The following TMIGD3 variants were observed in gnomAD, a reference collection of about 807,000 sequenced individuals.
TMIGD3 encodes the protein transmembrane and immunoglobulin domain containing 3.
A neutral mutation model predicts 28.1 loss-of-function variants in TMIGD3; 21 were observed. The observed-to-expected ratio is 0.75, with a 90% CI of 0.53 to 1.08. The LOEUF is 1.08. TMIGD3 is among the 50% of genes least tolerant of loss of function. The pLI is 0.00. For missense variants in TMIGD3, 416 were observed against 435.6 expected (o/e 0.96, Z 0.40); for synonymous variants, 151 against 162.1 (o/e 0.93, Z 0.52).
intron 1 of TMIGD3, among the ~76,000 whole-genome samples, chr1:111,531,240 T>C (rs1656447882): frequency 6.6e-6 from 1 of 151,540 alleles, no homozygotes; most frequent in African/African-American, 2.4e-5. Flanking sequence ...GTCATGCCAC[T>C]GAATTCCAGC....
In TMIGD3 at chr1:111,518,571, G is replaced by C. The variant is rs11102297; in HGVS notation, c.108-27809C>G. Among the ~76,000 whole-genome samples the C allele has an allele frequency of 7.0e-3, 1,066 of 152,306 alleles. 10 individuals are homozygous for C. Among genetic ancestry groups the C allele is most frequent in the African/African-American group, 0.024 (1,000 of 41,566 alleles). On this transcript the variant is annotated intron_variant, in intron 1 of 5. Transcript: ENST00000369717. ...CCAGTTGAGAAACAGTGATCTAAAC[G>C]AGAAGCCTAAAGTTCAGAGAGGCTA... is the stretch of plus-strand genomic sequence containing the variant.
chr1:111,561,916 G>T (rs903737806), intron 1 of TMIGD3, among the ~76,000 whole-genome samples: 1 of 151,380 alleles, frequency 6.6e-6, no homozygotes, highest in Admixed American at 6.6e-5. Flanking sequence ...TCTCCTCCTT[G>T]CCCCTGGCCT....
At chr1:111,506,128 C>T (rs1284986016), upstream of TMIGD3, among the ~76,000 whole-genome samples, 2 of 152,236 alleles carry the variant, frequency 1.3e-5, no homozygotes, top group African/African-American at 4.8e-5. Flanking sequence ...CACCTCTCCT[C>T]TGGGACCACA....
chr1:111,532,242 G>A (rs1042373682), intron 1 of TMIGD3, among the ~76,000 whole-genome samples: 1 of 150,170 alleles, frequency 6.7e-6, no homozygotes, highest in Admixed American at 6.6e-5. Context: ...TCTCCTGTTC[G>A]GTACTCTGTT....
chr1:111,557,628 C>A lies in TMIGD3; in HGVS notation c.107+6218G>T, dbSNP rs970002755. ...AAAATTGGAACTTTACTAATAGACC[C>A]AAATGAACTTCTAATGAATACATTC... On this transcript the variant is annotated intron_variant, in intron 1 of 5. Transcript: ENST00000369717. Among the ~76,000 whole-genome samples the A allele has an allele frequency of 2.0e-5, 3 of 151,382 alleles. No homozygotes were observed. The East Asian group carries it at 5.8e-4, about 29-fold the overall frequency.
chr1:111,557,292 T>TGTGGTGGCTAGGATTACAG (rs1657533414), intron 1 of TMIGD3, among the ~76,000 whole-genome samples: 2 of 152,216 alleles, frequency 1.3e-5, no homozygotes, highest in Non-Finnish European at 2.9e-5. Context: ...CTCACGCCTG[T>TGTGGTGGCTAGGATTACAG]AATCCTAGCA....
At chr1:111,546,169 T>G (rs564992591) in intron 1 of TMIGD3, among the ~76,000 whole-genome samples, 82 of 152,284 alleles carry the variant, frequency 5.4e-4, no homozygotes, top group African/African-American at 1.9e-3. Context: ...GGAGGCAGTT[T>G]GAATTTTTAT....
At chr1:111,538,494 C>G (rs934478237) in intron 1 of TMIGD3, among the ~76,000 whole-genome samples, 1 of 152,134 alleles carries the variant, frequency 6.6e-6, no homozygotes, top group South Asian at 2.1e-4. Flanking sequence ...GCTGAGTCAG[C>G]CTACTCCCCA....
At chr1:111,531,729 T>A (rs1232595601) in intron 1 of TMIGD3, among the ~76,000 whole-genome samples, 2 of 152,050 alleles carry the variant, frequency 1.3e-5, no homozygotes, top group Non-Finnish European at 2.9e-5. Flanking sequence ...ATTTATTTAT[T>A]TATTTTTTAA....
chr1:111,514,445 C>A (rs772005792), intron 1 of TMIGD3, among the ~76,000 whole-genome samples: 3 of 152,072 alleles, frequency 2.0e-5, no homozygotes, highest in Non-Finnish European at 2.9e-5. Context: ...CACCTGCAGT[C>A]CCAGCTACTT....
At chr1:111,528,785 A>G (rs1450483787) in intron 1 of TMIGD3, among the ~76,000 whole-genome samples, 2 of 152,152 alleles carry the variant, frequency 1.3e-5, no homozygotes, top group Non-Finnish European at 2.9e-5. Flanking sequence ...TAATATAAAT[A>G]GTATTGTGTT....
chr1:111,513,265 A>T (rs1394568870), intron 1 of TMIGD3, among the ~76,000 whole-genome samples: 1 of 152,226 alleles, frequency 6.6e-6, no homozygotes, highest in East Asian at 1.9e-4. Flanking sequence ...ACTGCTATAA[A>T]GGGGCCACCT....
chr1:111,506,795 T>A (rs1353150410), upstream of TMIGD3, among the ~76,000 whole-genome samples: 1 of 151,762 alleles, frequency 6.6e-6, no homozygotes, highest in Non-Finnish European at 1.5e-5. Context: ...GATGACTGCA[T>A]GAGCAGGTCG....
chr1:111,483,840 A>T (rs1238791761), intron 5 of TMIGD3, 83 bp from the exon 6 acceptor site: 4 of 1,121,836 alleles, frequency 3.6e-6, no homozygotes, highest in Admixed American at 1.8e-5. Context: ...AAAGTTCCAA[A>T]CTCTGTCATG....
upstream of TMIGD3, among the ~76,000 whole-genome samples, chr1:111,508,205 C>G (rs1164678206): frequency 6.6e-6 from 1 of 152,240 alleles, no homozygotes; most frequent in Non-Finnish European, 1.5e-5. Context: ...CCCACCCACA[C>G]CGAGTGTGTC....
intron 3 of TMIGD3, 93 bp downstream of exon 3, chr1:111,488,584 G>A (rs1376751566): frequency 1.7e-6 from 2 of 1,184,088 alleles, no homozygotes; most frequent in South Asian, 1.4e-5. Flanking sequence ...GGGAGTCTGA[G>A]TTGGGGCTCA....
intron 1 of TMIGD3, among the ~76,000 whole-genome samples, chr1:111,532,241 C>T (rs916273360): frequency 1.3e-5 from 2 of 150,630 alleles, no homozygotes; most frequent in African/African-American, 2.5e-5. Flanking sequence ...CTCTCCTGTT[C>T]GGTACTCTGT....
At chr1:111,534,492 G>A (rs186000614) in intron 1 of TMIGD3, among the ~76,000 whole-genome samples, 7 of 152,304 alleles carry the variant, frequency 4.6e-5, no homozygotes, top group Non-Finnish European at 7.4e-5. Context: ...CGATTGCATT[G>A]TCTCACTCTT....
intron 1 of TMIGD3, among the ~76,000 whole-genome samples, chr1:111,519,198 C>G (rs1287346597): frequency 1.3e-5 from 2 of 152,194 alleles, no homozygotes; most frequent in African/African-American, 4.8e-5. Context: ...CTCGGCCTCC[C>G]AAAGTGCTGG....
Sources: gnomAD v4.1 joint callset for allele counts (sites outside exome capture counted in the v4.1 genomes callset) on GRCh38, gnomAD v4.1.1 for gene constraint, MANE v1.5 for transcripts, NCBI Gene and HGNC (gene_info 2026-07-23, HGNC 2026-07-21) for gene names.